Variants in PDK1 observed in about 807,000 individuals in gnomAD.
The protein encoded by PDK1 is pyruvate dehydrogenase kinase 1.
A neutral mutation model predicts 54.2 loss-of-function variants in PDK1; 39 were observed. That is an observed-to-expected ratio of 0.72 (90% CI 0.56 to 0.94). The LOEUF is 0.94. Among genes scored for constraint, PDK1 ranks in the 40% least tolerant of loss-of-function variants. PDK1 has a pLI of 0.00. For synonymous variants in PDK1, 221 were observed against 207.1 expected (o/e 1.07, Z -0.58); for missense variants, 552 against 566.0 (o/e 0.98, Z 0.25).
Position 172,565,005 on chromosome 2 carries a change from G to A in PDK1, c.623G>A (p.Gly208Glu). 1 of 1,612,944 alleles carries A rather than the reference G, an allele frequency of 6.2e-7. No individual in the cohort carries two copies. The highest frequency in any genetic ancestry group is 8.5e-7 in the Non-Finnish European group (1 of 1,179,074). ...HSLLFGGKGK[G>E]SPSHRKHIGS... Reference sequence around the variant, plus strand: ...TTATTGTTTGGTGGAAAAGGCAAAGGAAGTCCATCTCATCGAAAACACATT... The same window carrying A: ...TTATTGTTTGGTGGAAAAGGCAAAGAAAGTCCATCTCATCGAAAACACATT... Residue 208 changes from glycine (G) to glutamate (E), a missense_variant, in exon 5 of 11, where the codon GGA becomes GAA. By Grantham distance (98) the Gly-to-Glu change is moderately conservative. Coordinates refer to ENST00000282077, the MANE Select transcript of PDK1 (RefSeq NM_002610.5).
chr2:172,602,682 T>C lies in PDK1; in HGVS notation c.*6713T>C, dbSNP rs924136301. ...CCTTTCTAACTCTGACCTAATATTT[T>C]GGAGCATAGAGGAAAGAAACATCTT... On this transcript the variant is annotated 3_prime_UTR_variant, in exon 11 of 11. Coordinates refer to ENST00000282077, the MANE Select transcript of PDK1 (RefSeq NM_002610.5). 1 of 152,234 alleles carries C rather than the reference T, an allele frequency of 6.6e-6. No individual in the cohort carries two copies. The highest frequency in any genetic ancestry group is 1.5e-5 in the Non-Finnish European group (1 of 68,036). 9.4% of individuals were successfully genotyped at this position (152,234 alleles called of 1,614,324 possible). A position where few individuals can be genotyped will look rare whatever the true frequency, so the allele number is the denominator to read the frequency against.
At chr2:172,609,552 A>G (rs1440753545), downstream of PDK1, among the ~76,000 whole-genome samples, 1 of 152,260 alleles carries the variant, frequency 6.6e-6, no homozygotes, top group African/African-American at 2.4e-5. Context: ...AATAAAATAA[A>G]GATCACATAG....
At chr2:172,695,003 A>G in the PDK1 span, among the ~76,000 whole-genome samples, 3 of 152,114 alleles carry the variant, frequency 2.0e-5, no homozygotes, top group Non-Finnish European at 4.4e-5. Context: ...CTGTAGTCCC[A>G]GCTACTTGGG....
intron 2 of PDK1, among the ~76,000 whole-genome samples, chr2:172,560,529 A>T (rs762616127): frequency 2.0e-5 from 3 of 152,210 alleles, no homozygotes; most frequent in Admixed American, 6.5e-5. Flanking sequence ...TGCGTAAGAC[A>T]GTACCATTGA....
At chr2:172,616,730 G>T in the PDK1 span, among the ~76,000 whole-genome samples, 2 of 152,032 alleles carry the variant, frequency 1.3e-5, no homozygotes, top group Non-Finnish European at 2.9e-5. Flanking sequence ...AAATTATTAG[G>T]TTAATTTTAA....
At chr2:172,582,893 C>T (rs1162649145) in intron 8 of PDK1, among the ~76,000 whole-genome samples, 1 of 152,220 alleles carries the variant, frequency 6.6e-6, no homozygotes, top group African/African-American at 2.4e-5. Flanking sequence ...TTCTCACATC[C>T]TCTCTGTCCT....
chr2:172,556,440 C>A (rs1239235305), intron 1 of PDK1, 94 bp downstream of exon 1: 54 of 875,230 alleles, frequency 6.2e-5, no homozygotes, highest in Middle Eastern at 3.3e-4. Flanking sequence ...GGCCAGCTCT[C>A]GCCTGAGGCG....
chr2:172,556,038 G>A (rs1415549685), upstream of PDK1: 5 of 764,720 alleles, frequency 6.5e-6, no homozygotes, highest in South Asian at 3.1e-5. Context: ...TGGGGGCCGC[G>A]CCGGTGACAG....
chr2:172,692,272 T>C, the PDK1 span, among the ~76,000 whole-genome samples: 1 of 152,248 alleles, frequency 6.6e-6, no homozygotes, highest in African/African-American at 2.4e-5. Flanking sequence ...TATTTTGGTA[T>C]TGATGAGGAA....
At chr2:172,720,432 G>A in the PDK1 span, among the ~76,000 whole-genome samples, 2 of 152,056 alleles carry the variant, frequency 1.3e-5, no homozygotes, top group Non-Finnish European at 2.9e-5. Flanking sequence ...TCTCAATGTT[G>A]CTGCTCTACC....
intron 9 of PDK1, 48 bp downstream of exon 9, chr2:172,586,436 A>C (rs1244079797): frequency 8.7e-7 from 1 of 1,154,700 alleles, no homozygotes; most frequent in South Asian, 1.2e-5. Context: ...ATTGCCTTCC[A>C]CATGCTGTAG....
the PDK1 span, among the ~76,000 whole-genome samples, chr2:172,670,814 G>C: frequency 4.6e-5 from 7 of 152,168 alleles, no homozygotes; most frequent in East Asian, 1.3e-3. Context: ...TCAAGCTCTT[G>C]AAGGTTATAA....
chr2:172,560,315 G>A (rs574180616), intron 2 of PDK1, among the ~76,000 whole-genome samples: 4 of 152,284 alleles, frequency 2.6e-5, no homozygotes, highest in African/African-American at 4.8e-5. Context: ...ACAGCCATGC[G>A]CCACCATACC....
the PDK1 span, among the ~76,000 whole-genome samples, chr2:172,660,212 C>G: frequency 7.8e-6 from 1 of 128,720 alleles, no homozygotes; most frequent in African/African-American, 2.9e-5. Flanking sequence ...GTCAGTGTAT[C>G]GATCTATGTA....
At chr2:172,627,756 A>T in the PDK1 span, among the ~76,000 whole-genome samples, 1 of 152,216 alleles carries the variant, frequency 6.6e-6, no homozygotes, top group South Asian at 2.1e-4. Flanking sequence ...GGAAGCTAGA[A>T]TCAAGGGATA....
downstream of PDK1, among the ~76,000 whole-genome samples, chr2:172,609,985 C>T (rs1388247061): frequency 6.6e-6 from 1 of 152,024 alleles, no homozygotes; most frequent in Non-Finnish European, 1.5e-5. Flanking sequence ...CCACACCTGG[C>T]TAATTTTTGT....
rs1691225508 is a variant in PDK1, at chr2:172,604,582, G to A, written c.*8613G>A. The A allele has an allele frequency of 6.6e-6, 1 of 152,162 alleles. No individual in the cohort carries two copies. The highest frequency in any genetic ancestry group is 2.4e-5 in the African/African-American group (1 of 41,438). 9.4% of individuals were successfully genotyped at this position (152,162 alleles called of 1,614,324 possible). Reference sequence around the variant, plus strand: ...GTTCAGAAAAATCATGGCCTCTGGAGTTTTACTGAGGACTAGAGATAGCTA... The same window carrying A: ...GTTCAGAAAAATCATGGCCTCTGGAATTTTACTGAGGACTAGAGATAGCTA... On this transcript the variant is annotated 3_prime_UTR_variant, in exon 11 of 11. Transcript: ENST00000282077.
At chr2:172,654,508 G>A in the PDK1 span, among the ~76,000 whole-genome samples, 3 of 151,676 alleles carry the variant, frequency 2.0e-5, no homozygotes, top group African/African-American at 7.3e-5. Context: ...ACTATCGCAA[G>A]GACAGAAAAC....
chr2:172,722,389 T>C, the PDK1 span, among the ~76,000 whole-genome samples: 1 of 152,242 alleles, frequency 6.6e-6, no homozygotes, highest in African/African-American at 2.4e-5. Flanking sequence ...CCTGCTCTGA[T>C]ATGAGATTTT....
Sources: allele counts gnomAD v4.1 joint callset (sites outside exome capture counted in the v4.1 genomes callset), GRCh38; gene constraint gnomAD v4.1.1; transcripts MANE v1.5; gene names NCBI Gene and HGNC (gene_info 2026-07-23, HGNC 2026-07-21).